The following KDM4C variants were observed in gnomAD, a reference collection of about 807,000 sequenced individuals.
The protein encoded by KDM4C is lysine demethylase 4C.
In KDM4C, 81 loss-of-function variants were observed where a neutral mutation model predicts 129.3. That is an observed-to-expected ratio of 0.63 (90% CI 0.52 to 0.75). The LOEUF is 0.75. Ranked by LOEUF, KDM4C falls within the 30% of genes least tolerant of loss-of-function variation. KDM4C has a pLI of 0.00. For missense variants in KDM4C, 1,457 were observed against 1,304.0 expected (o/e 1.12, Z -1.81); for synonymous variants, 573 against 456.1 (o/e 1.26, Z -3.26).
chr9:7,104,274 TG>T (rs1837433158), intron 18 of KDM4C: 1 of 176,590 alleles, frequency 5.7e-6, no homozygotes, highest in Non-Finnish European at 1.2e-5. Context: ...GAACAGTCTA[TG>T]AAACTGTACA....
At chr9:6,985,402 G>T (rs572632599) in intron 10 of KDM4C, among the ~76,000 whole-genome samples, 34 of 152,334 alleles carry the variant, frequency 2.2e-4, no homozygotes, top group African/African-American at 7.5e-4. Flanking sequence ...TTTAAAAAAT[G>T]AGTTCATGTT....
intron 18 of KDM4C, among the ~76,000 whole-genome samples, chr9:7,120,202 T>C (rs952186374): frequency 3.3e-5 from 5 of 152,204 alleles, no homozygotes; most frequent in African/African-American, 7.2e-5. Flanking sequence ...ACTTTAAATT[T>C]TTTTAAGTCA....
intron 1 of KDM4C, among the ~76,000 whole-genome samples, chr9:6,739,875 A>G (rs1161302614): frequency 1.3e-5 from 2 of 152,012 alleles, no homozygotes; most frequent in Non-Finnish European, 2.9e-5. Context: ...TCTCATAATT[A>G]ATTTTTATTA....
At position 6,732,909 on chromosome 9, in the gene KDM4C, A is replaced by T. The variant is rs145505709; in HGVS notation, c.49+11912A>T. 9.2e-5 allele frequency among the ~76,000 whole-genome samples: 14 copies of T among 152,302 alleles called. 1 individual carries two copies. In the East Asian group the frequency reaches 2.7e-3, roughly 29 times the overall value. Reference sequence around the variant, plus strand: ...ACGCCTGTAGTCCCAGCTACTGGGGAGGCTGAGGCAGGAGAATAGCTTGAA... The same window carrying T: ...ACGCCTGTAGTCCCAGCTACTGGGGTGGCTGAGGCAGGAGAATAGCTTGAA... On this transcript the variant is annotated intron_variant, in intron 1 of 17. Coordinates refer to the KDM4C transcript ENST00000536108.
At chr9:7,122,265 A>ACACACACACTCTCTCTCTCT (rs375655422) in intron 18 of KDM4C, among the ~76,000 whole-genome samples, 18 of 144,820 alleles carry the variant, frequency 1.2e-4, no homozygotes, top group African/African-American at 4.7e-4. Flanking sequence ...ACACACACAC[A>ACACACACACTCTCTCTCTCT]CTCTCTCTCT....
At chr9:7,091,936 G>T (rs74671049) in intron 17 of KDM4C, among the ~76,000 whole-genome samples, 2 of 152,168 alleles carry the variant, frequency 1.3e-5, no homozygotes, top group African/African-American at 4.8e-5. Context: ...GCTTCTCTGC[G>T]CTGTTTCCTG....
At chr9:6,776,289 G>C (rs188307349) in intron 1 of KDM4C, among the ~76,000 whole-genome samples, 3 of 152,090 alleles carry the variant, frequency 2.0e-5, no homozygotes, top group Non-Finnish European at 4.4e-5. Flanking sequence ...TTTTGAGATG[G>C]AGTCTCGCGC....
At chr9:6,815,647 T>A (rs1035517621) in intron 4 of KDM4C, among the ~76,000 whole-genome samples, 1 of 152,194 alleles carries the variant, frequency 6.6e-6, no homozygotes, top group Non-Finnish European at 1.5e-5. Context: ...ATCTAAATGC[T>A]CCAGTGAGCA....
intron 16 of KDM4C, 89 bp from the exon 17 acceptor site, chr9:7,049,003 A>T (rs1284614981): frequency 2.4e-6 from 2 of 823,288 alleles, no homozygotes; most frequent in Middle Eastern, 2.3e-4. Flanking sequence ...TCATCTGTGT[A>T]TTTCCCATCT....
intron 4 of KDM4C, among the ~76,000 whole-genome samples, chr9:6,837,574 A>G (rs1836114800): frequency 2.0e-5 from 3 of 152,096 alleles, no homozygotes; most frequent in African/African-American, 7.2e-5. Context: ...ATGTTATGTG[A>G]ATTTGCACCT....
rs933337741 is a variant in KDM4C at position 6,730,621 on chromosome 9, A to T, written c.49+9624A>T. 4.6e-5 allele frequency among the ~76,000 whole-genome samples: 7 copies of T among 151,926 alleles called. No homozygotes were observed. In the East Asian group the frequency reaches 1.3e-3, roughly 29 times the overall value. On this transcript the variant is annotated intron_variant, in intron 1 of 17. Coordinates refer to the KDM4C transcript ENST00000536108. The stretch of plus-strand genomic sequence containing the variant: ...CAGAGCGAGACTCTGTCTCAAAAAA[A>T]AAAAAAAGTAATAATAATAATAATT...
At chr9:6,806,902 C>T (rs946341843) in intron 3 of KDM4C, among the ~76,000 whole-genome samples, 3 of 148,234 alleles carry the variant, frequency 2.0e-5, no homozygotes, top group Non-Finnish European at 2.9e-5. Context: ...CTCCCTCTCC[C>T]TCTCCCTCTC....
chr9:6,894,565 G>A (rs958029177), intron 8 of KDM4C, among the ~76,000 whole-genome samples: 5 of 152,222 alleles, frequency 3.3e-5, no homozygotes, highest in Non-Finnish European at 7.3e-5. Flanking sequence ...CAGCTGTTCA[G>A]AGTCACCACA....
intron 9 of KDM4C, 117 bp from the exon 10 acceptor site, chr9:6,984,048 GA>G: frequency 1.5e-6 from 1 of 659,410 alleles, no homozygotes; most frequent in Non-Finnish European, 2.7e-6. Context: ...TTGGCATAGT[GA>G]TTAACAATGT....
intron 1 of KDM4C, among the ~76,000 whole-genome samples, chr9:6,750,543 G>A (rs570752785): frequency 2.0e-5 from 3 of 152,178 alleles, no homozygotes; most frequent in East Asian, 3.9e-4. Flanking sequence ...CCAAGTTCAG[G>A]AACAACTGAA....
chr9:7,039,042 T>G (rs1828120205), intron 15 of KDM4C, among the ~76,000 whole-genome samples: 4 of 152,062 alleles, frequency 2.6e-5, no homozygotes, highest in Admixed American at 6.6e-5. Flanking sequence ...TTTTTAAATT[T>G]TGATATGTAT....
At chr9:6,901,789 A>G (rs1488299200) in intron 8 of KDM4C, among the ~76,000 whole-genome samples, 4 of 152,198 alleles carry the variant, frequency 2.6e-5, no homozygotes, top group Non-Finnish European at 5.9e-5. Context: ...ATTTCGTGAC[A>G]CATATTTACT....
intron 3 of KDM4C, 46 bp downstream of exon 3, chr9:6,805,820 G>A (rs1331306916): frequency 1.3e-6 from 2 of 1,539,868 alleles, no homozygotes; most frequent in Non-Finnish European, 1.8e-6. Context: ...AAAGATTTAT[G>A]TAAATATGTT....
chr9:6,721,387 G>T (rs1267746874), intron 1 of KDM4C, among the ~76,000 whole-genome samples: 1 of 149,630 alleles, frequency 6.7e-6, no homozygotes, highest in Non-Finnish European at 1.5e-5. Flanking sequence ...AGGTTCAAGC[G>T]ATTCTTGTGC....
Sources: gnomAD v4.1 joint callset for allele counts (sites outside exome capture counted in the v4.1 genomes callset) on GRCh38, gnomAD v4.1.1 for gene constraint, MANE v1.5 for transcripts, NCBI Gene and HGNC (gene_info 2026-07-23, HGNC 2026-07-21) for gene names.